The following PCCA variants were observed in gnomAD, a reference collection of about 807,000 sequenced individuals.
PCCA encodes the protein propionyl-CoA carboxylase alpha chain, mitochondrial.
In PCCA, 74 loss-of-function variants were observed where a neutral mutation model predicts 101.3. The observed-to-expected ratio is 0.73, with a 90% CI of 0.61 to 0.89. The LOEUF (loss-of-function observed/expected upper bound fraction) is 0.89, where lower values mean the gene tolerates loss of function less well. Ranked by LOEUF, PCCA falls within the 40% of genes least tolerant of loss-of-function variation. The pLI is 0.00. For synonymous variants in PCCA, 294 were observed against 313.6 expected, an observed-to-expected ratio of 0.94 and a Z score of 0.66; for missense variants, 891 against 907.0, an observed-to-expected ratio of 0.98 and a Z score of 0.23.
chr13:100,149,580 A>T (rs2053039829), intron 4 of PCCA: 1 of 152,228 alleles, frequency 6.6e-6, no homozygotes, highest in Admixed American at 6.5e-5. Context: ...TGGCCGGGTT[A>T]TGTAAGCTGT....
intron 20 of PCCA, among the ~76,000 whole-genome samples, chr13:100,443,931 A>G (rs528484484): frequency 1.3e-5 from 2 of 152,160 alleles, no homozygotes; most frequent in Non-Finnish European, 2.9e-5. Context: ...CATTCTATGT[A>G]TCTTCAGCAT....
intron 21 of PCCA, among the ~76,000 whole-genome samples, chr13:100,504,804 GT>G (rs2085939122): frequency 1.3e-5 from 2 of 152,100 alleles, no homozygotes; most frequent in African/African-American, 4.8e-5. Flanking sequence ...GTGGTGGAAC[GT>G]GCCTGTAGTC....
At chr13:100,395,246 T>C (rs2076990087) in intron 19 of PCCA, among the ~76,000 whole-genome samples, 1 of 152,232 alleles carries the variant, frequency 6.6e-6, no homozygotes, top group Admixed American at 6.5e-5. Flanking sequence ...TTTTGGTGTC[T>C]TGTTTCCATA....
At chr13:100,363,971 A>C (rs8002362) in intron 18 of PCCA, among the ~76,000 whole-genome samples, 2,874 of 152,310 alleles carry the variant, frequency 0.019, 88 homozygotes, top group African/African-American at 0.066. Flanking sequence ...AAATTTAGTT[A>C]TGTCGAGCAT....
chr13:100,197,645 T>G (rs1042570223), intron 6 of PCCA, among the ~76,000 whole-genome samples: 7 of 152,232 alleles, frequency 4.6e-5, no homozygotes, highest in Middle Eastern at 3.4e-3. Flanking sequence ...TTTCACCCTG[T>G]TGGTCAGGCT....
At chr13:100,220,788 G>A (rs1195097544) in intron 7 of PCCA, among the ~76,000 whole-genome samples, 1 of 152,168 alleles carries the variant, frequency 6.6e-6, no homozygotes, top group Non-Finnish European at 1.5e-5. Flanking sequence ...GTCTGACTCT[G>A]AGAGACCACA....
At chr13:100,265,365 T>C (rs891905764) in intron 10 of PCCA, among the ~76,000 whole-genome samples, 1 of 152,240 alleles carries the variant, frequency 6.6e-6, no homozygotes, top group African/African-American at 2.4e-5. Context: ...CATCATTTAT[T>C]GCAGTGACCT....
At chr13:100,182,359 AGTGCTAGGATTACAGCACT>A (rs1353727717) in intron 6 of PCCA, among the ~76,000 whole-genome samples, 1 of 152,208 alleles carries the variant, frequency 6.6e-6, no homozygotes, top group East Asian at 1.9e-4. Flanking sequence ...GGCCTCCCAA[AGTGCTAGGATTACAGCACT>A]GTGCCTGGCC....
intron 12 of PCCA, among the ~76,000 whole-genome samples, chr13:100,277,850 T>C (rs1391935407): frequency 5.3e-5 from 8 of 152,232 alleles, no homozygotes; most frequent in Admixed American, 5.2e-4. Flanking sequence ...AATTTTAATC[T>C]GTAAGTTATA....
intron 2 of PCCA, among the ~76,000 whole-genome samples, chr13:100,107,390 T>C (rs1157039123): frequency 6.6e-6 from 1 of 152,206 alleles, no homozygotes. Context: ...GTTGTTCCTG[T>C]CACACTGATG....
intron 8 of PCCA, among the ~76,000 whole-genome samples, chr13:100,246,659 AAT>A (rs1320544623): frequency 1.3e-5 from 2 of 152,016 alleles, no homozygotes; most frequent in African/African-American, 4.8e-5. Flanking sequence ...CTGAAAAAAA[AAT>A]AGTTTTTTAT....
intron 16 of PCCA, among the ~76,000 whole-genome samples, chr13:100,316,022 T>C (rs1206631410): frequency 6.6e-6 from 1 of 152,196 alleles, no homozygotes; most frequent in Non-Finnish European, 1.5e-5. Context: ...CAGTGATTCT[T>C]CCCATCTAGC....
intron 8 of PCCA, among the ~76,000 whole-genome samples, chr13:100,252,473 TC>T (rs1193714080): frequency 1.3e-5 from 2 of 152,194 alleles, no homozygotes; most frequent in African/African-American, 4.8e-5. Context: ...AAATTTTAAT[TC>T]AAGAAATTGT....
rs879215770 is a variant in PCCA, at chr13:100,150,951, G to A, written c.301-4028G>A. ...TGCTTGGCCTCGCAGCCCAGTCAGC[G>A]CGCTTTATCAGGCTGGGTGGGGCGG... On this transcript the variant is annotated intron_variant, in intron 4 of 23. Transcript: ENST00000376285. The A allele has an allele frequency of 5.3e-5, 81 of 1,521,480 alleles. No individual in the cohort carries two copies. In the African/African-American group the frequency reaches 1.0e-3, roughly 19 times the overall value. 94.2% of individuals were successfully genotyped at this position (1,521,480 alleles called of 1,614,324 possible). A position where few individuals can be genotyped will look rare whatever the true frequency, so the allele number is the denominator to read the frequency against.
At chr13:100,108,103 G>A (rs2047978369) in intron 2 of PCCA, among the ~76,000 whole-genome samples, 1 of 152,182 alleles carries the variant, frequency 6.6e-6, no homozygotes, top group Non-Finnish European at 1.5e-5. Flanking sequence ...TCTGAATGGA[G>A]TGTGGTGCTA....
chr13:100,200,194 TC>T (rs1331034812), intron 6 of PCCA, among the ~76,000 whole-genome samples: 2 of 152,186 alleles, frequency 1.3e-5, no homozygotes, highest in African/African-American at 4.8e-5. Context: ...AAGCTCTGCC[TC>T]CCGGGTTCAC....
intron 2 of PCCA, among the ~76,000 whole-genome samples, chr13:100,105,657 C>CAAA (rs34277733): frequency 6.3e-4 from 48 of 75,802 alleles, no homozygotes; most frequent in Non-Finnish European, 9.4e-4. Flanking sequence ...CTGTCTCTAC[C>CAAA]AAAAAAAAAA....
At chr13:100,374,491 A>G (rs1044836994) in intron 19 of PCCA, among the ~76,000 whole-genome samples, 33 of 152,312 alleles carry the variant, frequency 2.2e-4, no homozygotes, top group Non-Finnish European at 3.4e-4. Flanking sequence ...GGCCAGGTAC[A>G]GTGGTGCGCA....
At chr13:100,193,766 A>G (rs939873857) in intron 6 of PCCA, among the ~76,000 whole-genome samples, 1 of 152,130 alleles carries the variant, frequency 6.6e-6, no homozygotes, top group Non-Finnish European at 1.5e-5. Flanking sequence ...ATTGTGAGGA[A>G]TTGTGCTCAA....
Sources: allele counts gnomAD v4.1 joint callset (sites outside exome capture counted in the v4.1 genomes callset), GRCh38; gene constraint gnomAD v4.1.1; transcripts MANE v1.5; gene names NCBI Gene and HGNC (gene_info 2026-07-23, HGNC 2026-07-21).